FAAH2: variants seen among roughly 807,000 people sequenced by gnomAD.
FAAH2 encodes fatty acid amide hydrolase 2, also known as fatty-acid amide hydrolase 2.
Under a neutral mutation model 36.9 loss-of-function variants are expected in FAAH2, and 60 were observed. The ratio of observed to expected loss-of-function variants is 1.63; its 90% CI spans 1.32 to 2.02. FAAH2 has a LOEUF of 2.02. Among genes scored for constraint, FAAH2 ranks in the 30% most tolerant of loss-of-function variants. The pLI, the probability that FAAH2 is intolerant of heterozygous loss-of-function variation, is 0.00. For synonymous variants in FAAH2, 214 were observed against 143.8 expected, an observed-to-expected ratio of 1.49 and a Z score of -3.49; for missense variants, 689 against 397.5, an observed-to-expected ratio of 1.73 and a Z score of -6.23.
At chrX:57,288,351 T>G (rs1471365594) in intron 1 of FAAH2, among the ~76,000 whole-genome samples, 2 of 80,736 alleles carry the variant, frequency 2.5e-5, no homozygotes, top group Non-Finnish European at 4.7e-5. Flanking sequence ...TTTTTTTTTT[T>G]TTTTTTTTTT....
At chrX:57,241,408 A>G in the FAAH2 span, among the ~76,000 whole-genome samples, 1 of 108,997 alleles carries the variant, frequency 9.2e-6, no homozygotes, top group African/African-American at 3.4e-5. Flanking sequence ...GACAAAGTCT[A>G]ATATGAAGCA....
rs1459735782 is a variant in FAAH2 at position 57,395,058 on chromosome X, C to G, written c.996+14029C>G. On this transcript the variant is annotated intron_variant, in intron 7 of 10. Coordinates refer to ENST00000374900, the MANE Select transcript of FAAH2 (RefSeq NM_174912.4). ...CTAGTCAATCCATCCACATCCTTTT[C>G]AGGTGCAATAGCATTGATCACTCCT... 1.6e-5 allele frequency: 9 copies of G among 552,967 alleles called. No individual in the cohort carries two copies. In the African/African-American group the frequency reaches 2.0e-4, roughly 12 times the overall value. The allele number at this position is 552,967 out of a possible 1,213,427, so 45.6% of individuals were successfully genotyped here. A position where few individuals can be genotyped will look rare whatever the true frequency, so the allele number is the denominator to read the frequency against.
chrX:57,374,923 T>A (rs778448637), intron 5 of FAAH2, among the ~76,000 whole-genome samples: 2 of 111,790 alleles, frequency 1.8e-5, no homozygotes, highest in Non-Finnish European at 3.8e-5. Flanking sequence ...CATGAATGGA[T>A]GCTGAATTTT....
intron 10 of FAAH2, among the ~76,000 whole-genome samples, chrX:57,449,675 C>A (rs1204955528): frequency 4.6e-5 from 5 of 109,570 alleles, no homozygotes; most frequent in Non-Finnish European, 9.5e-5. Flanking sequence ...TCCTTGCTTC[C>A]TTCCTTCCTT....
chrX:57,302,152 A>T (rs2052391764), intron 2 of FAAH2, among the ~76,000 whole-genome samples: 1 of 111,668 alleles, frequency 9.0e-6, no homozygotes, highest in African/African-American at 3.3e-5. Flanking sequence ...TGGGAGCCCT[A>T]GAGTCCAGAG....
chrX:57,205,411 G>A, the FAAH2 span, among the ~76,000 whole-genome samples: 27 of 112,406 alleles, frequency 2.4e-4, no homozygotes, highest in Non-Finnish European at 5.1e-4. Context: ...GATGTAAAAA[G>A]CATGCATTCT....
At chrX:57,394,446 G>A in intron 7 of FAAH2, 3 of 1,199,517 alleles carry the variant, frequency 2.5e-6, no homozygotes, top group South Asian at 1.8e-5. Context: ...ACTCAAGCCA[G>A]CTTACCAATG....
intron 7 of FAAH2, chrX:57,395,471 G>A (rs970310413): frequency 4.1e-6 from 2 of 492,890 alleles, no homozygotes; most frequent in Non-Finnish European, 7.0e-6. Context: ...TTCTTAGGAG[G>A]AATGCTTTAA....
chrX:57,375,905 G>A (rs1484967674), intron 5 of FAAH2, among the ~76,000 whole-genome samples: 1 of 111,430 alleles, frequency 9.0e-6, no homozygotes, highest in Non-Finnish European at 1.9e-5. Flanking sequence ...ACAGGTTTTT[G>A]TGTATTGTAT....
Position 57,326,411 on chromosome X carries a change from G to A in FAAH2, c.413-5187G>A, listed in dbSNP as rs1252886242. On this transcript the variant is annotated intron_variant, in intron 3 of 10. Coordinates refer to ENST00000374900, the MANE Select transcript of FAAH2 (RefSeq NM_174912.4). ...GATATCCTTGTTAACTTTCTGTCTC[G>A]TTGATCTGTCTAATGTTGACAGTGG... Among the ~76,000 whole-genome samples, 58 of 114,488 alleles carry A rather than the reference G, an allele frequency of 5.1e-4. 1 individual carries two copies. Among genetic ancestry groups the A allele is most frequent in the African/African-American group, 1.5e-3 (47 of 31,334 alleles).
the FAAH2 span, chrX:57,135,591 C>T: frequency 3.2e-6 from 2 of 626,771 alleles, no homozygotes; most frequent in Non-Finnish European, 4.7e-6. Context: ...TCCTTCCATG[C>T]CCCATCTACC....
intron 7 of FAAH2, among the ~76,000 whole-genome samples, chrX:57,411,043 G>T (rs894916882): frequency 1.8e-5 from 2 of 111,628 alleles, no homozygotes; most frequent in African/African-American, 6.5e-5. Context: ...AGTTGAAAAA[G>T]CAGTTATCTT....
the FAAH2 span, among the ~76,000 whole-genome samples, chrX:57,139,246 A>G: frequency 1.8e-5 from 2 of 112,221 alleles, no homozygotes; most frequent in East Asian, 2.8e-4. Context: ...TGAGAGATAG[A>G]TATGTCTAGT....
intron 7 of FAAH2, among the ~76,000 whole-genome samples, chrX:57,411,826 AT>A (rs1347652695): frequency 9.0e-6 from 1 of 111,719 alleles, no homozygotes; most frequent in East Asian, 2.8e-4. Flanking sequence ...TCTTCAACAT[AT>A]TTACTCTTGG....
At chrX:57,413,459 G>A (rs764994809) in intron 7 of FAAH2, among the ~76,000 whole-genome samples, 5 of 112,135 alleles carry the variant, frequency 4.5e-5, no homozygotes, top group African/African-American at 1.6e-4. Flanking sequence ...AGTTTTCACA[G>A]CACTATTTAT....
the FAAH2 span, among the ~76,000 whole-genome samples, chrX:57,165,672 C>T: frequency 9.1e-6 from 1 of 109,726 alleles, no homozygotes; most frequent in Non-Finnish European, 1.9e-5. Flanking sequence ...CACATGTACC[C>T]TAAAACTTAA....
the FAAH2 span, among the ~76,000 whole-genome samples, chrX:57,236,017 C>A: frequency 1.8e-5 from 2 of 112,243 alleles, no homozygotes. Context: ...CCATCCCCAG[C>A]CTCTGGTAAA....
At chrX:57,160,571 G>C in the FAAH2 span, among the ~76,000 whole-genome samples, 71 of 112,075 alleles carry the variant, frequency 6.3e-4, no homozygotes, top group African/African-American at 2.2e-3. Context: ...AGTCTTGGGA[G>C]GGTGTATGTG....
At chrX:57,267,233 G>A in the FAAH2 span, among the ~76,000 whole-genome samples, 1 of 112,685 alleles carries the variant, frequency 8.9e-6, no homozygotes. Flanking sequence ...CTGCATGGCA[G>A]GTTTTGCTTT....
Sources: gnomAD v4.1 joint callset for allele counts (sites outside exome capture counted in the v4.1 genomes callset) on GRCh38, gnomAD v4.1.1 for gene constraint, MANE v1.5 for transcripts, NCBI Gene and HGNC (gene_info 2026-07-23, HGNC 2026-07-21) for gene names.